The following TCF12 variants were observed in gnomAD, a reference collection of about 807,000 sequenced individuals.
TCF12 encodes transcription factor 12, also known as DNA-binding protein HTF4.
Under a neutral mutation model 86.0 loss-of-function variants are expected in TCF12, and 45 were observed. The observed-to-expected ratio is 0.52, with a 90% CI of 0.41 to 0.67. TCF12 has a LOEUF of 0.67. TCF12 is among the 30% of genes least tolerant of loss of function. TCF12 has a pLI of 0.00. For synonymous variants in TCF12, 330 were observed against 299.6 expected (o/e 1.10, Z -1.05); for missense variants, 881 against 859.9 (o/e 1.02, Z -0.31).
At chr15:57,232,614 C>T in intron 10 of TCF12, 98 bp from the exon 11 acceptor site, 1 of 1,458,220 alleles carries the variant, frequency 6.9e-7, no homozygotes, top group Non-Finnish European at 9.2e-7. Flanking sequence ...TTAGCTGTAA[C>T]TTGTAAATGC....
chr15:56,960,047 A>G (rs1027293493), intron 3 of TCF12, among the ~76,000 whole-genome samples: 2 of 152,182 alleles, frequency 1.3e-5, no homozygotes, highest in East Asian at 1.9e-4. Flanking sequence ...CACCAACCCA[A>G]TACTATGTTT....
chr15:57,223,938 C>A (rs1313341452), intron 8 of TCF12, among the ~76,000 whole-genome samples: 4 of 151,800 alleles, frequency 2.6e-5, no homozygotes, highest in African/African-American at 4.8e-5. Flanking sequence ...TTTTTAAAAT[C>A]TCTTAATATA....
intron 3 of TCF12, among the ~76,000 whole-genome samples, chr15:56,947,160 T>G (rs1312330943): frequency 6.6e-6 from 1 of 152,210 alleles, no homozygotes; most frequent in Non-Finnish European, 1.5e-5. Context: ...AGGTCTTTAC[T>G]GAATGCTTTG....
chr15:57,224,534 T>TCA (rs1329228503), intron 8 of TCF12, among the ~76,000 whole-genome samples: 2 of 152,176 alleles, frequency 1.3e-5, no homozygotes, highest in Non-Finnish European at 2.9e-5. Flanking sequence ...CCAGTAATGT[T>TCA]CACCTGTGTT....
At chr15:57,237,591 A>G (rs1343490972) in intron 12 of TCF12, among the ~76,000 whole-genome samples, 2 of 152,246 alleles carry the variant, frequency 1.3e-5, no homozygotes, top group Non-Finnish European at 2.9e-5. Context: ...GACTGCATGC[A>G]GAATGAGTGC....
At chr15:56,989,265 G>A (rs916759805) in intron 3 of TCF12, among the ~76,000 whole-genome samples, 7 of 152,126 alleles carry the variant, frequency 4.6e-5, no homozygotes, top group Admixed American at 2.0e-4. Flanking sequence ...TAGTTTAAAT[G>A]GTTATGAGAC....
At chr15:57,101,956 A>C (rs2049787532) in intron 5 of TCF12, among the ~76,000 whole-genome samples, 1 of 152,250 alleles carries the variant, frequency 6.6e-6, no homozygotes, top group Non-Finnish European at 1.5e-5. Flanking sequence ...AGCAAACTAC[A>C]CACAAAGAGC....
At chr15:57,072,602 TAGAA>T (rs2069498259) in intron 4 of TCF12, 21 of 1,218,534 alleles carry the variant, frequency 1.7e-5, no homozygotes, top group Admixed American at 5.9e-5. Context: ...ATACAGTAAT[TAGAA>T]AGGACACACG....
chr15:56,971,202 T>C (rs2062296916), intron 3 of TCF12, among the ~76,000 whole-genome samples: 5 of 151,600 alleles, frequency 3.3e-5, no homozygotes, highest in Admixed American at 3.3e-4. Context: ...GGTGGGTAGA[T>C]CACTTGAAGT....
At chr15:56,935,830 T>C (rs2060444689) in intron 3 of TCF12, among the ~76,000 whole-genome samples, 1 of 152,212 alleles carries the variant, frequency 6.6e-6, no homozygotes, top group Non-Finnish European at 1.5e-5. Flanking sequence ...GGCTGCACAG[T>C]ATTCTATCAT....
At chr15:57,103,247 T>A (rs2049882982) in intron 5 of TCF12, among the ~76,000 whole-genome samples, 3 of 152,234 alleles carry the variant, frequency 2.0e-5, no homozygotes, top group Non-Finnish European at 4.4e-5. Flanking sequence ...GTAAGATAAA[T>A]GTAAATTGTG....
chr15:57,070,693 T>C (rs757441555), intron 4 of TCF12, among the ~76,000 whole-genome samples: 7 of 152,162 alleles, frequency 4.6e-5, no homozygotes, highest in Non-Finnish European at 8.8e-5. Flanking sequence ...TGTGGAAGAG[T>C]TTGGCTAAGA....
rs147331236 is a variant in TCF12 at position 56,920,265 on chromosome 15, A to G, written c.75+277A>G. The stretch of plus-strand genomic sequence containing the variant: ...CAGTTAAAAGGAGAACAATGTAATT[A>G]TGACCTTTGGTTGAGTCACCCTCCC... On this transcript the variant is annotated intron_variant, in intron 2 of 20. Transcript: ENST00000333725. Among the ~76,000 whole-genome samples the G allele has an allele frequency of 6.6e-3, 1,010 of 152,242 alleles. 7 individuals carry two copies. Among genetic ancestry groups the G allele is most frequent in the Non-Finnish European group, 0.01 (686 of 68,000 alleles).
intron 4 of TCF12, among the ~76,000 whole-genome samples, chr15:57,083,458 T>A (rs938289084): frequency 2.0e-5 from 3 of 152,274 alleles, no homozygotes; most frequent in East Asian, 3.9e-4. Flanking sequence ...AGAAATAATA[T>A]ATCTTTTAGA....
intron 3 of TCF12, among the ~76,000 whole-genome samples, chr15:56,976,498 A>G (rs532644278): frequency 3.0e-4 from 46 of 151,972 alleles, no homozygotes; most frequent in African/African-American, 9.2e-4. Context: ...CGGCCTCCCA[A>G]AGTGCTGGGA....
intron 3 of TCF12, among the ~76,000 whole-genome samples, chr15:57,055,610 T>G (rs945322054): frequency 6.6e-6 from 1 of 150,660 alleles, no homozygotes; most frequent in Non-Finnish European, 1.5e-5. Context: ...ACTTTAAAGA[T>G]TTTTTTTTTC....
chr15:57,237,148 A>AGAGTGT, intron 12 of TCF12, among the ~76,000 whole-genome samples: 1 of 146,132 alleles, frequency 6.8e-6, no homozygotes, highest in East Asian at 2.0e-4. Flanking sequence ...AGAGAGAGAG[A>AGAGTGT]GTGTGTGTGT....
chr15:57,190,675 G>A (rs900254840), intron 6 of TCF12, among the ~76,000 whole-genome samples: 1 of 152,096 alleles, frequency 6.6e-6, no homozygotes, highest in African/African-American at 2.4e-5. Flanking sequence ...TGTTTTGTGA[G>A]AGGGTTACTG....
chr15:57,192,169 G>C lies in TCF12; in HGVS notation c.402G>C (p.Leu134=). The change falls in exon 7 of 21, where the codon CTG becomes CTC. Residue 134 remains leucine (L), a synonymous_variant. Coordinates refer to ENST00000333725, the MANE Select transcript of TCF12 (RefSeq NM_207037.2). The part of the protein sequence containing the change: ...TGLPGCQSSL[L]RQDLGLGSPA... Reference sequence around the variant, plus strand: ...GCCTTATTTTATAGTCTAGTCTCCTGAGACAAGATCTGGGGCTTGGGAGCC... The same window carrying C: ...GCCTTATTTTATAGTCTAGTCTCCTCAGACAAGATCTGGGGCTTGGGAGCC... 6.2e-7 allele frequency: 1 copy of C among 1,613,904 alleles called. No homozygotes were observed. The highest frequency in any genetic ancestry group is 8.5e-7 in the Non-Finnish European group (1 of 1,179,976).
Sources: gnomAD v4.1 joint callset for allele counts (sites outside exome capture counted in the v4.1 genomes callset) on GRCh38, gnomAD v4.1.1 for gene constraint, MANE v1.5 for transcripts, NCBI Gene and HGNC (gene_info 2026-07-23, HGNC 2026-07-21) for gene names.